The following VPS13B variants were observed in gnomAD, a reference collection of about 807,000 sequenced individuals.
VPS13B encodes the protein intermembrane lipid transfer protein VPS13B.
A neutral mutation model predicts 426.4 loss-of-function variants in VPS13B; 285 were observed. The ratio of observed to expected loss-of-function variants is 0.67; its 90% CI spans 0.61 to 0.74. The LOEUF is 0.74. Ranked by LOEUF, VPS13B falls within the 30% of genes least tolerant of loss-of-function variation. The probability of loss-of-function intolerance (pLI) is 0.00; values close to 1 mark genes in which losing one functional copy is unlikely to be tolerated. For missense variants in VPS13B, 4,537 were observed against 4,782.6 expected, an observed-to-expected ratio of 0.95 and a Z score of 1.51; for synonymous variants, 1,676 against 1,676.4, an observed-to-expected ratio of 1.00 and a Z score of 0.01.
intron 33 of VPS13B, among the ~76,000 whole-genome samples, chr8:99,596,934 G>GCAGTAC (rs1008814138): frequency 8.6e-5 from 13 of 151,954 alleles, no homozygotes; most frequent in African/African-American, 2.9e-4. Context: ...TACCTGGTAG[G>GCAGTAC]CAGTCATGAT....
chr8:99,442,578 T>C lies in VPS13B; in HGVS notation c.3388T>C (p.Tyr1130His), dbSNP rs1253236130. ...QIKIISAGHK[Y>H]MEPLQEIPFV... ...AAAGATTATTAGTGCTGGGCACAAG[T>C]ATATGGAACCTCTGCAGGAGATTCC... Residue 1130 changes from tyrosine (Y) to histidine (H), a missense_variant, in exon 23 of 62, where the codon TAT becomes CAT. Coordinates refer to ENST00000357162, the MANE Select transcript of VPS13B (RefSeq NM_152564.5). 1 of 1,613,994 alleles carries C rather than the reference T, an allele frequency of 6.2e-7. No homozygotes were observed. Among genetic ancestry groups the C allele is most frequent in the East Asian group, 2.2e-5 (1 of 44,832 alleles).
intron 19 of VPS13B, among the ~76,000 whole-genome samples, chr8:99,339,316 C>T (rs1210805219): frequency 6.6e-6 from 1 of 151,900 alleles, no homozygotes; most frequent in Non-Finnish European, 1.5e-5. Flanking sequence ...GAACGTGATG[C>T]TGGCATCTGG....
chr8:99,124,703 G>T (rs1848108071), intron 8 of VPS13B, among the ~76,000 whole-genome samples: 1 of 151,970 alleles, frequency 6.6e-6, no homozygotes, highest in South Asian at 2.1e-4. Context: ...TGGCCAACAT[G>T]TTGAAACCCT....
At position 99,875,403 on chromosome 8, in the gene VPS13B, A is replaced by AT. The variant is rs1347157608; in HGVS notation, c.11746-10dup. ...AAGGGTCTGGCAACTAATCTTTATT[A>AT]TTTTTGGATCCTAGGTAGATGGAGT... is the stretch of plus-strand genomic sequence containing the variant. On this transcript the variant is annotated splice_polypyrimidine_tract_variant and intron_variant, in intron 61 of 61. Coordinates refer to ENST00000357162, the MANE Select transcript of VPS13B (RefSeq NM_152564.5). The AT allele has an allele frequency of 6.2e-7, 1 of 1,614,150 alleles. No individual in the cohort carries two copies. Among genetic ancestry groups the AT allele is most frequent in the Non-Finnish European group, 8.5e-7 (1 of 1,180,016 alleles).
intron 61 of VPS13B, among the ~76,000 whole-genome samples, chr8:99,872,588 C>G (rs1817482768): frequency 6.6e-6 from 1 of 152,230 alleles, no homozygotes; most frequent in South Asian, 2.1e-4. Flanking sequence ...GAAAATTGCT[C>G]TCTGCCCCTC....
At chr8:99,421,232 A>G (rs533357835) in intron 21 of VPS13B, among the ~76,000 whole-genome samples, 2 of 152,272 alleles carry the variant, frequency 1.3e-5, no homozygotes, top group South Asian at 4.1e-4. Flanking sequence ...ATAATTGTTG[A>G]TATGTTATTT....
At chr8:99,134,498 C>T (rs1809967613) in intron 8 of VPS13B, 134 bp from the exon 9 acceptor site, 1 of 683,728 alleles carries the variant, frequency 1.5e-6, no homozygotes, top group East Asian at 2.9e-5. Flanking sequence ...TTTTGTTGCA[C>T]CTGCTTTCCT....
chr8:99,152,145 A>G lies in VPS13B; in HGVS notation c.2013+4135A>G, dbSNP rs555884149. Among the ~76,000 whole-genome samples the G allele has an allele frequency of 2.6e-5, 4 of 152,280 alleles. No homozygotes were observed. In the South Asian group the frequency reaches 6.2e-4, roughly 24 times the overall value. On this transcript the variant is annotated intron_variant, in intron 14 of 61. Coordinates refer to ENST00000357162, the MANE Select transcript of VPS13B (RefSeq NM_152564.5). The stretch of plus-strand genomic sequence containing the variant: ...TCCTTTTTTGTAATATATGAACTCA[A>G]TACTATAAACTTACCTCTAAGCATT...
intron 56 of VPS13B, among the ~76,000 whole-genome samples, chr8:99,857,927 G>A (rs1015816548): frequency 4.6e-5 from 7 of 152,106 alleles, no homozygotes; most frequent in South Asian, 4.1e-4. Flanking sequence ...TCATCCTAAC[G>A]TTCCAGAGAA....
At chr8:99,585,751 C>A (rs553492683) in intron 33 of VPS13B, among the ~76,000 whole-genome samples, 3 of 152,230 alleles carry the variant, frequency 2.0e-5, no homozygotes, top group African/African-American at 7.2e-5. Flanking sequence ...TAGATACTTT[C>A]CCCCTGAAAT....
chr8:99,742,755 G>T (rs938613520), intron 39 of VPS13B, among the ~76,000 whole-genome samples: 3 of 152,090 alleles, frequency 2.0e-5, no homozygotes, highest in Admixed American at 6.5e-5. Context: ...TGCAGAAAAG[G>T]CCTTTGACAA....
At chr8:99,341,260 G>T (rs1811229119) in intron 19 of VPS13B, 2 of 171,868 alleles carry the variant, frequency 1.2e-5, no homozygotes, top group Non-Finnish European at 2.5e-5. Context: ...TTATGATGTT[G>T]GTCTGTCGTG....
intron 19 of VPS13B, among the ~76,000 whole-genome samples, chr8:99,348,696 A>G (rs1023895390): frequency 6.6e-6 from 1 of 152,200 alleles, no homozygotes; most frequent in African/African-American, 2.4e-5. Context: ...AATAAAGTAC[A>G]ATCATTACTT....
At chr8:99,450,873 T>C (rs1032203198) in intron 23 of VPS13B, among the ~76,000 whole-genome samples, 9 of 152,166 alleles carry the variant, frequency 5.9e-5, no homozygotes, top group African/African-American at 1.4e-4. Context: ...AGATTCATGA[T>C]GGAATAGACC....
intron 21 of VPS13B, among the ~76,000 whole-genome samples, chr8:99,427,457 A>G (rs1816787300): frequency 1.3e-5 from 2 of 151,286 alleles, no homozygotes; most frequent in African/African-American, 4.9e-5. Context: ...GAAGAAAGTC[A>G]TTGGTAGCTT....
chr8:99,760,810 T>C (rs1810890265), intron 39 of VPS13B, among the ~76,000 whole-genome samples: 1 of 152,198 alleles, frequency 6.6e-6, no homozygotes, highest in Non-Finnish European at 1.5e-5. Context: ...TTTACAGACT[T>C]TTCTTGTCAT....
chr8:99,835,554 A>G lies in VPS13B; in HGVS notation c.9758A>G (p.Glu3253Gly), dbSNP rs752053149. Residue 3253 changes from glutamate to glycine, a missense_variant, in exon 54 of 62, where the codon GAG (glutamate) becomes GGG (glycine). Coordinates refer to ENST00000357162, the MANE Select transcript of VPS13B (RefSeq NM_152564.5). Reference protein sequence around the residue: ...KENIKDIPKFEVYCKKIPSEC... With the variant: ...KENIKDIPKFGVYCKKIPSEC... ...AAAATTTCAGATATTCCAAAGTTTG[A>G]GGTTTATTGCAAAAAAATTCCCTCC... 1.2e-6 allele frequency: 2 copies of G among 1,614,100 alleles called. No individual in the cohort carries two copies. Among genetic ancestry groups the G allele is most frequent in the South Asian group, 2.2e-5 (2 of 91,072 alleles).
chr8:99,382,326 T>C (rs1041633296), intron 19 of VPS13B, among the ~76,000 whole-genome samples: 2 of 152,318 alleles, frequency 1.3e-5, no homozygotes, highest in East Asian at 3.9e-4. Context: ...TTTCATTTCA[T>C]ATGAATTTTT....
chr8:99,473,865 C>T (rs77415499), intron 24 of VPS13B, among the ~76,000 whole-genome samples: 9,274 of 152,022 alleles, frequency 0.061, 369 homozygotes, highest in African/African-American at 0.11. Flanking sequence ...AGCAAACAAC[C>T]GGAAAATGGA....
Sources: gnomAD v4.1 joint callset for allele counts (sites outside exome capture counted in the v4.1 genomes callset) on GRCh38, gnomAD v4.1.1 for gene constraint, MANE v1.5 for transcripts, NCBI Gene and HGNC (gene_info 2026-07-23, HGNC 2026-07-21) for gene names.